The following ATP7B variants were observed in gnomAD, a reference collection of about 807,000 sequenced individuals.
ATP7B encodes the protein copper-transporting ATPase 2.
ATP7B carries 113 observed loss-of-function variants against 118.9 expected under a neutral mutation model. The ratio of observed to expected loss-of-function variants is 0.95; its 90% CI spans 0.82 to 1.11. The LOEUF is 1.11. Ranked by LOEUF, ATP7B falls within the 50% of genes most tolerant of loss-of-function variation. ATP7B has a pLI of 0.00. For synonymous variants in ATP7B, 777 were observed against 727.4 expected (o/e 1.07, Z -1.10); for missense variants, 1,867 against 1,871.4 (o/e 1.00, Z 0.04).
intron 8 of ATP7B, 159 bp downstream of exon 8, chr13:51,958,152 G>T: frequency 1.3e-6 from 1 of 799,048 alleles, no homozygotes; most frequent in Non-Finnish European, 2.0e-6. Flanking sequence ...CCAATTTGGA[G>T]ATTAGTGACT....
chr13:51,998,334 T>C (rs1025501721), intron 1 of ATP7B, among the ~76,000 whole-genome samples: 1 of 152,226 alleles, frequency 6.6e-6, no homozygotes. Flanking sequence ...AAGGATCTCA[T>C]ATCTTAGCTG....
intron 4 of ATP7B, 98 bp from the exon 5 acceptor site, chr13:51,965,131 T>C: frequency 2.0e-6 from 3 of 1,478,796 alleles, no homozygotes; most frequent in African/African-American, 1.4e-5. Flanking sequence ...CCAAGAGCCT[T>C]TCCCTCCTCA....
intron 1 of ATP7B, among the ~76,000 whole-genome samples, chr13:52,003,873 C>T (rs1006676926): frequency 1.3e-5 from 2 of 152,124 alleles, no homozygotes; most frequent in African/African-American, 4.8e-5. Flanking sequence ...TAAAATCTTC[C>T]CATTTTAAGA....
chr13:51,966,089 T>C (rs1160278683), intron 4 of ATP7B, among the ~76,000 whole-genome samples: 16 of 152,214 alleles, frequency 1.1e-4, no homozygotes, highest in Admixed American at 1.0e-3. Flanking sequence ...AGTATCCAAA[T>C]ATTTCAATGG....
intron 1 of ATP7B, among the ~76,000 whole-genome samples, chr13:51,987,897 C>T (rs1400098421): frequency 6.6e-6 from 1 of 152,136 alleles, no homozygotes; most frequent in Non-Finnish European, 1.5e-5. Context: ...ACACCTTACA[C>T]AAAAATTAAC....
intron 1 of ATP7B, among the ~76,000 whole-genome samples, chr13:52,005,778 A>C (rs888001483): frequency 6.6e-6 from 1 of 152,184 alleles, no homozygotes; most frequent in African/African-American, 2.4e-5. Context: ...CCAACACTCC[A>C]CTTCTTGGTA....
chr13:51,942,044 T>C (rs542623705), intron 15 of ATP7B, among the ~76,000 whole-genome samples: 1 of 152,290 alleles, frequency 6.6e-6, no homozygotes, highest in South Asian at 2.1e-4. Flanking sequence ...ATACCAGAAT[T>C]CTACCATACA....
At chr13:51,957,446 T>C (rs1958423357) in intron 9 of ATP7B, 70 bp downstream of exon 9, 5 of 1,455,580 alleles carry the variant, frequency 3.4e-6, no homozygotes, top group South Asian at 1.1e-5. Context: ...CAATACAACA[T>C]GGGCATCTGA....
intron 2 of ATP7B, 122 bp from the exon 3 acceptor site, chr13:51,970,871 C>T (rs1951808958): frequency 1.2e-6 from 1 of 804,008 alleles, no homozygotes; most frequent in Non-Finnish European, 1.9e-6. Context: ...CAGCCTCAGC[C>T]CCTGGGCTCC....
At chr13:52,004,565 C>T (rs185501130) in intron 1 of ATP7B, among the ~76,000 whole-genome samples, 18 of 152,332 alleles carry the variant, frequency 1.2e-4, no homozygotes, top group Admixed American at 9.2e-4. Flanking sequence ...CAATCAGGAA[C>T]CACCAACTAA....
In ATP7B at chr13:51,957,569, G is replaced by C. The variant is rs758690020; in HGVS notation, c.2394C>G (p.Leu798=). 6.2e-7 allele frequency: 1 copy of C among 1,614,198 alleles called. No homozygotes were observed. The highest frequency in any genetic ancestry group is 8.5e-7 in the Non-Finnish European group (1 of 1,180,004). Residue 798 remains leucine, a synonymous_variant, in exon 9 of 21, where the codon CTC becomes CTG. Transcript: ENST00000242839. ...TSEALAKLMS[L]QATEATVVTL... is the part of the protein sequence containing the mutation. ...TCACAACGGTGGCTTCTGTGGCTTG[G>C]AGAGACATGAGTTTAGCCAGGGCTT...
chr13:51,982,112 T>C (rs995899724), intron 1 of ATP7B, among the ~76,000 whole-genome samples: 2 of 152,074 alleles, frequency 1.3e-5, no homozygotes, highest in Non-Finnish European at 2.9e-5. Context: ...AGTCAAAAGT[T>C]TGGACACCCC....
At chr13:51,997,080 C>T (rs549374646) in intron 1 of ATP7B, among the ~76,000 whole-genome samples, 1 of 152,316 alleles carries the variant, frequency 6.6e-6, no homozygotes, top group Admixed American at 6.5e-5. Context: ...TCAGGTGCAT[C>T]TGTGATTGCT....
chr13:51,960,533 G>A (rs572234543), intron 6 of ATP7B, among the ~76,000 whole-genome samples: 3 of 152,266 alleles, frequency 2.0e-5, no homozygotes, highest in African/African-American at 7.2e-5. Flanking sequence ...CTATAAGGAG[G>A]TTCCAAAGAT....
intron 19 of ATP7B, 134 bp downstream of exon 19, chr13:51,937,139 GAAA>G (rs57778802): frequency 0.011 from 7,328 of 659,046 alleles, no homozygotes; most frequent in Middle Eastern, 0.016. Flanking sequence ...CAGGGGACAT[GAAA>G]AAAAAAAAAA....
At chr13:51,952,149 T>A (rs780175904) in intron 9 of ATP7B, among the ~76,000 whole-genome samples, 2 of 152,166 alleles carry the variant, frequency 1.3e-5, no homozygotes, top group Non-Finnish European at 2.9e-5. Flanking sequence ...GTGAACTGTG[T>A]GCTAGTGGGA....
At chr13:51,999,838 C>T (rs1028170680) in intron 1 of ATP7B, among the ~76,000 whole-genome samples, 1 of 152,194 alleles carries the variant, frequency 6.6e-6, no homozygotes, top group South Asian at 2.1e-4. Flanking sequence ...TCACCCTTCG[C>T]TCTCCGAGAC....
At chr13:51,961,959 T>A (rs370300248) in intron 5 of ATP7B, 46 bp from the exon 6 acceptor site, 1 of 1,525,468 alleles carries the variant, frequency 6.6e-7, no homozygotes, top group Non-Finnish European at 9.1e-7. Flanking sequence ...GGAAGGTACT[T>A]GGTTAAAATA....
intron 6 of ATP7B, 23 bp downstream of exon 6, chr13:51,961,814 T>C (rs548301304): frequency 3.1e-6 from 5 of 1,606,468 alleles, no homozygotes; most frequent in South Asian, 2.2e-5. Flanking sequence ...AGAGCTGGAG[T>C]TTATCTTTTG....
Sources: allele counts gnomAD v4.1 joint callset (sites outside exome capture counted in the v4.1 genomes callset), GRCh38; gene constraint gnomAD v4.1.1; transcripts MANE v1.5; gene names NCBI Gene and HGNC (gene_info 2026-07-23, HGNC 2026-07-21).